The following RASGRF2 variants were observed in gnomAD, a reference collection of about 807,000 sequenced individuals.
RASGRF2 encodes ras-specific guanine nucleotide-releasing factor 2.
RASGRF2 carries 76 observed loss-of-function variants against 151.0 expected under a neutral mutation model. That is an observed-to-expected ratio of 0.50 (90% CI 0.42 to 0.61). The LOEUF (loss-of-function observed/expected upper bound fraction) is 0.61. Among genes scored for constraint, RASGRF2 ranks in the 20% least tolerant of loss-of-function variants. The probability of loss-of-function intolerance (pLI) is 0.00; values close to 1 mark genes in which losing one functional copy is unlikely to be tolerated. For missense variants in RASGRF2, 1,148 were observed against 1,564.6 expected, an observed-to-expected ratio of 0.73 and a Z score of 4.49; for synonymous variants, 504 against 566.5, an observed-to-expected ratio of 0.89 and a Z score of 1.57.
At chr5:81,146,927 C>T (rs73768016) in intron 17 of RASGRF2, among the ~76,000 whole-genome samples, 7,128 of 152,172 alleles carry the variant, frequency 0.047, 498 homozygotes, top group African/African-American at 0.15. Flanking sequence ...TTTCTGTGTA[C>T]ACACAGTACC....
chr5:81,101,727 A>G (rs1166982700), intron 12 of RASGRF2, among the ~76,000 whole-genome samples: 2 of 152,170 alleles, frequency 1.3e-5, no homozygotes, highest in African/African-American at 4.8e-5. Flanking sequence ...ACATTTTTAT[A>G]TAATTTAAAA....
intron 17 of RASGRF2, among the ~76,000 whole-genome samples, chr5:81,132,811 T>C (rs377266649): frequency 1.3e-5 from 2 of 152,164 alleles, no homozygotes; most frequent in Non-Finnish European, 2.9e-5. Context: ...GATCCTGAAT[T>C]TGTAGGCCTG....
chr5:81,006,692 C>T (rs1159755098), intron 1 of RASGRF2, among the ~76,000 whole-genome samples: 1 of 151,916 alleles, frequency 6.6e-6, no homozygotes. Context: ...CTCTCGGATC[C>T]CCCTTTCCCC....
intron 23 of RASGRF2, among the ~76,000 whole-genome samples, chr5:81,215,347 T>G (rs1755713350): frequency 6.8e-6 from 1 of 148,096 alleles, no homozygotes; most frequent in Non-Finnish European, 1.5e-5. Flanking sequence ...CTCGGCTCAC[T>G]GCAACCTCCG....
At chr5:80,993,598 C>G (rs1047794051) in intron 1 of RASGRF2, among the ~76,000 whole-genome samples, 3 of 152,124 alleles carry the variant, frequency 2.0e-5, no homozygotes, top group African/African-American at 7.2e-5. Flanking sequence ...GATGATTTAC[C>G]AAGGGAGGGC....
intron 4 of RASGRF2, 102 bp from the exon 5 acceptor site, chr5:81,073,095 CAT>C (rs1751828201): frequency 7.4e-7 from 1 of 1,360,020 alleles, no homozygotes; most frequent in Non-Finnish European, 1.0e-6. Context: ...TAGAGGTTAT[CAT>C]GTTTTCTGCA....
chr5:81,017,190 C>G (rs59642130), intron 1 of RASGRF2, among the ~76,000 whole-genome samples: 1 of 152,312 alleles, frequency 6.6e-6, no homozygotes, highest in African/African-American at 2.4e-5. Context: ...CAGGTGCACT[C>G]TGGCAGTTCC....
At chr5:81,173,977 G>A (rs1472704019) in intron 17 of RASGRF2, among the ~76,000 whole-genome samples, 1 of 152,212 alleles carries the variant, frequency 6.6e-6, no homozygotes, top group African/African-American at 2.4e-5. Flanking sequence ...TAGAAGGAAA[G>A]TGTAAGAACA....
chr5:81,063,300 G>A lies in RASGRF2; in HGVS notation c.396-4732G>A, dbSNP rs1292141607. On this transcript the variant is annotated intron_variant, in intron 2 of 26. Coordinates refer to ENST00000265080, the MANE Select transcript of RASGRF2 (RefSeq NM_006909.3). ...CTCTCTCTGTTGCCCAGGCTGGAGT[G>A]CAGTGGCGTGATCTCGGCTCACTGC... 2.6e-5 allele frequency among the ~76,000 whole-genome samples: 4 copies of A among 152,208 alleles called. 1 individual carries two copies. In the East Asian group the frequency reaches 7.7e-4, roughly 29 times the overall value.
chr5:81,094,201 C>T (rs935723582), intron 10 of RASGRF2, 95 bp from the exon 11 acceptor site: 2 of 974,044 alleles, frequency 2.1e-6, no homozygotes, highest in Non-Finnish European at 3.1e-6. Context: ...GCTATGCTTT[C>T]TTCCATGGCA....
chr5:81,026,756 A>G (rs1435678392), intron 1 of RASGRF2, among the ~76,000 whole-genome samples: 1 of 152,214 alleles, frequency 6.6e-6, no homozygotes, highest in African/African-American at 2.4e-5. Context: ...AGGGCGAAAA[A>G]AAAAGCAGGC....
chr5:81,207,105 C>T (rs1755525282), intron 20 of RASGRF2, 141 bp from the exon 21 acceptor site: 1 of 832,308 alleles, frequency 1.2e-6, no homozygotes, highest in Admixed American at 2.6e-5. Flanking sequence ...ATACTTTTAG[C>T]TTTCTGCCAT....
Position 81,225,683 on chromosome 5 carries a change from A to T in RASGRF2, c.3627A>T (p.Ala1209=), listed in dbSNP as rs369600502. Residue 1209 remains alanine (A), a synonymous_variant, in exon 27 of 27, where the codon GCA becomes GCT. Transcript: ENST00000265080. ...SYRIDHQPKV[A]QYLLDKDLII... is the part of the protein sequence containing the mutation. ...GACTTCCCCTTTTTTTTCAGGTCGC[A>T]CAGTACTTGCTTGACAAAGACCTTA... 3.7e-6 allele frequency: 6 copies of T among 1,611,774 alleles called. No individual in the cohort carries two copies. Among genetic ancestry groups the T allele is most frequent in the African/African-American group, 2.7e-5 (2 of 74,866 alleles).
At position 81,180,264 on chromosome 5, in the gene RASGRF2, G is replaced by A. The variant is rs767948359; in HGVS notation, c.2776G>A (p.Val926Ile). Residue 926 changes from valine (V) to isoleucine (I), a missense_variant, in exon 18 of 27, where the codon GTC becomes ATC. By Grantham distance (29) the Val-to-Ile change is conservative. Transcript: ENST00000265080. ...AGTTCTGAACGTCCTCCGTCACTGG[G>A]TCTCAAAGCACGCACAGGTAAGTCA... Reference protein sequence around the residue: ...NRVLNVLRHWVSKHAQDFELN... With the variant: ...NRVLNVLRHWISKHAQDFELN... 5.4e-5 allele frequency: 87 copies of A among 1,607,742 alleles called. No individual in the cohort carries two copies. Among genetic ancestry groups the A allele is most frequent in the Non-Finnish European group, 6.4e-5 (75 of 1,174,704 alleles).
intron 19 of RASGRF2, among the ~76,000 whole-genome samples, chr5:81,204,716 A>G (rs1411653558): frequency 6.6e-6 from 1 of 152,200 alleles, no homozygotes; most frequent in Non-Finnish European, 1.5e-5. Flanking sequence ...ATAGTGATTA[A>G]CTTCTTGGAT....
Position 80,988,008 on chromosome 5 carries a change from C to CGTGTGTGTGTGT in RASGRF2, c.288+27015_288+27026dup, listed in dbSNP as rs58750663. On this transcript the variant is annotated intron_variant, in intron 1 of 26. Coordinates refer to ENST00000265080, the MANE Select transcript of RASGRF2 (RefSeq NM_006909.3). ...CATGTGTAGTTTTGAAATAAATGTGCGTGTGTGTGTGTGTGTGTGTGTGTG... is the reference window on the plus strand; with the variant it reads ...CATGTGTAGTTTTGAAATAAATGTGCGTGTGTGTGTGTGTGTGTGTGTGTGTGTGTGTGTGTG... Among the ~76,000 whole-genome samples the CGTGTGTGTGTGT allele has an allele frequency of 1.5e-4, 21 of 139,396 alleles. 3 individuals are homozygous for CGTGTGTGTGTGT. Among genetic ancestry groups the CGTGTGTGTGTGT allele is most frequent in the Non-Finnish European group, 7.8e-5 (5 of 64,270 alleles). The allele number at this position is 139,396 out of a possible 152,430, so 91.4% of individuals were successfully genotyped here. A position where few individuals can be genotyped will look rare whatever the true frequency, so the allele number is the denominator to read the frequency against.
At chr5:81,126,927 C>T (rs1753471377) in intron 16 of RASGRF2, 147 bp from the exon 17 acceptor site, 1 of 760,824 alleles carries the variant, frequency 1.3e-6, no homozygotes, top group South Asian at 1.8e-5. Context: ...TCCTGATGTG[C>T]AATCTTGTTG....
At chr5:81,057,206 A>G (rs1366419135) in intron 2 of RASGRF2, among the ~76,000 whole-genome samples, 1 of 152,154 alleles carries the variant, frequency 6.6e-6, no homozygotes. Flanking sequence ...TCCTTAGTTG[A>G]TGCAGTTTCT....
At chr5:81,080,301 T>G in intron 6 of RASGRF2, 101 bp downstream of exon 6, 1 of 1,521,274 alleles carries the variant, frequency 6.6e-7, no homozygotes, top group Non-Finnish European at 8.8e-7. Context: ...TGCATCACCC[T>G]GTTGACCTGT....
Sources: gnomAD v4.1 joint callset for allele counts (sites outside exome capture counted in the v4.1 genomes callset) on GRCh38, gnomAD v4.1.1 for gene constraint, MANE v1.5 for transcripts, NCBI Gene and HGNC (gene_info 2026-07-23, HGNC 2026-07-21) for gene names.